ACAD10: variants seen among roughly 807,000 people sequenced by gnomAD.
ACAD10 encodes acyl-CoA dehydrogenase family member 10.
ACAD10 carries 112 observed loss-of-function variants against 116.8 expected under a neutral mutation model. The ratio of observed to expected loss-of-function variants is 0.96; its 90% confidence interval spans 0.82 to 1.12. The LOEUF (loss-of-function observed/expected upper bound fraction) is 1.12, where lower values mean the gene tolerates loss of function less well. Ranked by LOEUF, ACAD10 falls within the 50% of genes most tolerant of loss-of-function variation. The pLI is 0.00. For synonymous variants in ACAD10, 486 were observed against 510.6 expected (o/e 0.95, Z 0.65); for missense variants, 1,259 against 1,350.2 (o/e 0.93, Z 1.06).
intron 12 of ACAD10, among the ~76,000 whole-genome samples, chr12:111,740,365 G>A (rs1889698929): frequency 6.6e-6 from 1 of 151,292 alleles, no homozygotes. Flanking sequence ...GGAGGCTGAG[G>A]CAGGAGAATC....
rs772975056 is a variant in ACAD10 at position 111,715,859 on chromosome 12, A to G, written c.889A>G (p.Asn297Asp). 1 of 1,614,016 alleles carries G rather than the reference A, an allele frequency of 6.2e-7. No individual in the cohort carries two copies. Among genetic ancestry groups the G allele is most frequent in the African/African-American group, 1.3e-5 (1 of 74,886 alleles). ...ELLQFDHGQS[N>D]PTYYIRLANR... ...ACTTCAGTTTGATCACGGGCAGTCA[A>G]ATCCAACTTACTACATCAGGCTGGC... Residue 297 changes from asparagine to aspartate, a missense_variant, in exon 7 of 21, where the codon AAT becomes GAT. Physicochemically the swap from Asn to Asp is conservative, Grantham distance 23. Transcript: ENST00000313698.
intron 2 of ACAD10, 76 bp from the exon 3 acceptor site, chr12:111,702,086 A>G (rs1341852349): frequency 3.4e-6 from 5 of 1,457,074 alleles, no homozygotes; most frequent in Non-Finnish European, 4.7e-6. Context: ...AGGAACTGGT[A>G]TGGTAATTTT....
chr12:111,691,643 T>C (rs181494906), intron 1 of ACAD10, among the ~76,000 whole-genome samples: 51 of 151,094 alleles, frequency 3.4e-4, no homozygotes, highest in Admixed American at 8.6e-4. Flanking sequence ...TCACCCAGGC[T>C]GGAGTGCAGT....
At chr12:111,749,396 C>T (rs535747096) in intron 18 of ACAD10, 51 bp downstream of exon 18, 2 of 1,570,184 alleles carry the variant, frequency 1.3e-6, no homozygotes, top group South Asian at 2.3e-5. Context: ...CCACCTTCTG[C>T]TTTGCTGTCG....
Position 111,709,668 on chromosome 12 carries a change from G to C in ACAD10, c.674G>C (p.Gly225Ala), listed in dbSNP as rs770692301. The C allele has an allele frequency of 4.3e-6, 7 of 1,612,972 alleles. No homozygotes were observed. Among genetic ancestry groups the C allele is most frequent in the African/African-American group, 1.3e-5 (1 of 74,986 alleles). Residue 225 changes from glycine (G) to alanine (A), a missense_variant, in exon 5 of 21, where the codon GGT becomes GCT. By Grantham distance (60) the Gly-to-Ala change is moderately conservative (BLOSUM62 0). Transcript: ENST00000313698. Reference sequence around the variant, plus strand: ...AATCTAAAAGAAGCTGCCAGACTTGGTATTCACACCATTAAGGTAATAGTC... The same window carrying C: ...AATCTAAAAGAAGCTGCCAGACTTGCTATTCACACCATTAAGGTAATAGTC... ...GTNLKEAARLGIHTIKVNDPE... is the reference protein window; with the variant it reads ...GTNLKEAARLAIHTIKVNDPE...
chr12:111,711,563 C>T (rs1432442578), intron 5 of ACAD10, among the ~76,000 whole-genome samples: 2 of 121,110 alleles, frequency 1.7e-5, no homozygotes, highest in East Asian at 2.4e-4. Context: ...CTTGCTCTTT[C>T]GTCCAGTCCA....
chr12:111,740,586 C>T (rs1176314308), intron 12 of ACAD10, among the ~76,000 whole-genome samples: 1 of 151,154 alleles, frequency 6.6e-6, no homozygotes, highest in South Asian at 2.1e-4. Flanking sequence ...GATGAAACCC[C>T]GTCTCTACTA....
intron 2 of ACAD10, among the ~76,000 whole-genome samples, chr12:111,697,904 A>G (rs1009847254): frequency 4.4e-5 from 6 of 137,798 alleles, no homozygotes; most frequent in Non-Finnish European, 7.9e-5. Flanking sequence ...TGTTATTTTA[A>G]TGTTCATTTG....
intron 7 of ACAD10, among the ~76,000 whole-genome samples, chr12:111,719,309 A>AGT (rs1888945633): frequency 6.6e-6 from 1 of 151,826 alleles, no homozygotes; most frequent in African/African-American, 2.4e-5. Context: ...GCCGTAGTGC[A>AGT]GTGGTGCGAT....
intron 1 of ACAD10, chr12:111,688,296 C>A (rs768861655): frequency 3.0e-4 from 45 of 152,132 alleles, no homozygotes; most frequent in Admixed American, 2.7e-3. Flanking sequence ...TGCAAATGAA[C>A]CTTGACATTT....
chr12:111,696,013 C>CAA, intron 2 of ACAD10, among the ~76,000 whole-genome samples: 1 of 127,158 alleles, frequency 7.9e-6, no homozygotes. Context: ...GACTCTGTCT[C>CAA]AAAAAAAAAA....
At chr12:111,728,205 A>T (rs1229275825) in intron 9 of ACAD10, 62 bp downstream of exon 9, 2 of 1,507,720 alleles carry the variant, frequency 1.3e-6, no homozygotes, top group Non-Finnish European at 8.9e-7. Context: ...TGCTTTTAGG[A>T]TCTGAATCGT....
intron 8 of ACAD10, among the ~76,000 whole-genome samples, chr12:111,723,835 C>T (rs1179836869): frequency 1.1e-4 from 16 of 149,588 alleles, no homozygotes; most frequent in South Asian, 6.4e-4. Context: ...TCAGACGGGG[C>T]GGTTGCCAGG....
chr12:111,689,367 G>C (rs988860599), intron 1 of ACAD10, among the ~76,000 whole-genome samples: 9 of 151,512 alleles, frequency 5.9e-5, no homozygotes, highest in Admixed American at 1.3e-4. Context: ...ATTTTTGTTG[G>C]TTTTTGTTTG....
In ACAD10 at chr12:111,721,708, C is replaced by T. The variant is rs774959837; in HGVS notation, c.1030C>T (p.Pro344Ser). Residue 344 changes from proline to serine, a missense_variant, in exon 8 of 21, where the codon CCT becomes TCT. By Grantham distance (74) the Pro-to-Ser change is moderately conservative. Coordinates refer to ENST00000313698, the MANE Select transcript of ACAD10 (RefSeq NM_025247.6). ...CCTTGCAAATGCTGGAGTACCTGTC[C>T]CTAACGTTCTTGATCTCTGTGAAGA... ...KALANAGVPV[P>S]NVLDLCEDSS... 7 of 1,603,320 alleles carry T rather than the reference C, an allele frequency of 4.4e-6. No individual in the cohort carries two copies. Among genetic ancestry groups the T allele is most frequent in the South Asian group, 3.3e-5 (3 of 90,102 alleles).
At chr12:111,719,406 A>C (rs1397681516) in intron 7 of ACAD10, among the ~76,000 whole-genome samples, 1 of 151,832 alleles carries the variant, frequency 6.6e-6, no homozygotes, top group African/African-American at 2.4e-5. Context: ...GGCACATACC[A>C]CCATGCCTGG....
chr12:111,753,204 A>T (rs756532741), intron 18 of ACAD10: 17 of 247,564 alleles, frequency 6.9e-5, no homozygotes, highest in Non-Finnish European at 1.3e-4. Flanking sequence ...AAAAAGGAAT[A>T]CTTAGAACCT....
chr12:111,749,559 C>A, intron 18 of ACAD10: 1 of 630,854 alleles, frequency 1.6e-6, no homozygotes, highest in Non-Finnish European at 2.7e-6. Flanking sequence ...GTCGAGGTGA[C>A]CTGAAGGGAA....
chr12:111,730,953 AT>A (rs1889370326), intron 10 of ACAD10, among the ~76,000 whole-genome samples: 1 of 152,036 alleles, frequency 6.6e-6, no homozygotes, highest in South Asian at 2.1e-4. Flanking sequence ...AATACAATAC[AT>A]TTTTAGTAAT....
Sources: gnomAD v4.1 joint callset for allele counts (sites outside exome capture counted in the v4.1 genomes callset) on GRCh38, gnomAD v4.1.1 for gene constraint, MANE v1.5 for transcripts, NCBI Gene and HGNC (gene_info 2026-07-23, HGNC 2026-07-21) for gene names.